The following CDH9 variants were observed in gnomAD, a reference collection of about 807,000 sequenced individuals.
The protein encoded by CDH9 is cadherin 9.
A neutral mutation model predicts 70.9 loss-of-function variants in CDH9; 28 were observed. That is an observed-to-expected ratio of 0.40 (90% CI 0.29 to 0.54). CDH9 has a LOEUF of 0.54. Among genes scored for constraint, CDH9 ranks in the 20% least tolerant of loss-of-function variants. CDH9 has a pLI of 0.59. For synonymous variants in CDH9, 409 were observed against 343.1 expected (o/e 1.19, Z -2.12); for missense variants, 874 against 984.4 (o/e 0.89, Z 1.50).
intron 2 of CDH9, among the ~76,000 whole-genome samples, chr5:26,943,778 C>T (rs1741701735): frequency 6.6e-6 from 1 of 152,170 alleles, no homozygotes; most frequent in South Asian, 2.1e-4. Context: ...AAAACATATG[C>T]CTCCAAGAGA....
chr5:26,970,798 T>C (rs935949636), intron 2 of CDH9, among the ~76,000 whole-genome samples: 7 of 152,086 alleles, frequency 4.6e-5, no homozygotes, highest in Non-Finnish European at 7.4e-5. Context: ...CCTTGACCTG[T>C]ATGCCTGTAT....
At chr5:26,956,347 T>G (rs921563124) in intron 2 of CDH9, among the ~76,000 whole-genome samples, 4 of 152,214 alleles carry the variant, frequency 2.6e-5, no homozygotes, top group Non-Finnish European at 5.9e-5. Context: ...ACCTCTTTTT[T>G]TTCTTTTTGT....
intron 2 of CDH9, among the ~76,000 whole-genome samples, chr5:26,933,838 A>T (rs551980732): frequency 6.6e-6 from 1 of 152,022 alleles, no homozygotes; most frequent in South Asian, 2.1e-4. Context: ...AAGAGAGAAG[A>T]CACATTACTA....
At chr5:26,904,632 A>G (rs917297843) in intron 5 of CDH9, among the ~76,000 whole-genome samples, 1 of 152,058 alleles carries the variant, frequency 6.6e-6, no homozygotes, top group Non-Finnish European at 1.5e-5. Context: ...TGCAAAAACT[A>G]ATTCTTTCTG....
At chr5:27,032,856 A>G (rs1428747446) in intron 1 of CDH9, among the ~76,000 whole-genome samples, 1 of 151,460 alleles carries the variant, frequency 6.6e-6, no homozygotes, top group Non-Finnish European at 1.5e-5. Flanking sequence ...ATTTCACCAT[A>G]TAATATATTT....
In CDH9 at chr5:26,897,546, A is replaced by G. The variant is rs2111981558; in HGVS notation, c.1253+4930T>C. 2.0e-5 allele frequency among the ~76,000 whole-genome samples: 3 copies of G among 152,314 alleles called. No homozygotes were observed. The South Asian group carries it at 6.2e-4, about 32-fold the overall frequency. On this transcript the variant is annotated intron_variant, in intron 7 of 11. Transcript: ENST00000231021. ...AAATCAATAAAGTAAGCCATCATAT[A>G]AACAGAGCCAATGACAAAAACCACA...
At chr5:26,918,510 A>T (rs1223932089) in intron 2 of CDH9, among the ~76,000 whole-genome samples, 1 of 152,218 alleles carries the variant, frequency 6.6e-6, no homozygotes, top group Non-Finnish European at 1.5e-5. Flanking sequence ...TCCTCTTTTT[A>T]AAACTAACTT....
chr5:26,972,372 C>T (rs1468570143), intron 2 of CDH9, among the ~76,000 whole-genome samples: 1 of 152,068 alleles, frequency 6.6e-6, no homozygotes, highest in African/African-American at 2.4e-5. Flanking sequence ...ATAATAAGCT[C>T]AATGCATCTG....
At chr5:26,885,589 G>C in intron 11 of CDH9, 25 bp downstream of exon 11, 4 of 1,603,698 alleles carry the variant, frequency 2.5e-6, no homozygotes, top group Non-Finnish European at 3.4e-6. Context: ...TGAGTTAAAG[G>C]ATCATTCAGA....
At chr5:27,033,757 C>A (rs1484755853) in intron 1 of CDH9, among the ~76,000 whole-genome samples, 2 of 151,278 alleles carry the variant, frequency 1.3e-5, no homozygotes, top group African/African-American at 4.8e-5. Flanking sequence ...ACTACAGTAA[C>A]CTGCTTTGGT....
intron 2 of CDH9, among the ~76,000 whole-genome samples, chr5:26,931,989 A>G (rs960483212): frequency 2.0e-5 from 3 of 152,212 alleles, no homozygotes; most frequent in Admixed American, 6.5e-5. Context: ...ATAATTACAA[A>G]TAAATGTAAG....
intron 2 of CDH9, among the ~76,000 whole-genome samples, chr5:26,964,021 A>G (rs1188325103): frequency 6.6e-6 from 1 of 152,142 alleles, no homozygotes; most frequent in Non-Finnish European, 1.5e-5. Context: ...CATAAAATAA[A>G]AAAGAAAATA....
intron 2 of CDH9, among the ~76,000 whole-genome samples, chr5:26,930,081 C>T (rs778083543): frequency 6.6e-6 from 1 of 151,910 alleles, no homozygotes; most frequent in East Asian, 1.9e-4. Flanking sequence ...GCATTGTATG[C>T]CTGTATCAAA....
intron 1 of CDH9, among the ~76,000 whole-genome samples, chr5:27,020,674 C>A: frequency 6.6e-6 from 1 of 150,530 alleles, no homozygotes; most frequent in African/African-American, 2.4e-5. Context: ...ATTTTCTATG[C>A]CATTATGAAA....
intron 2 of CDH9, among the ~76,000 whole-genome samples, chr5:26,986,642 G>A (rs1311719670): frequency 6.6e-6 from 1 of 152,040 alleles, no homozygotes; most frequent in Non-Finnish European, 1.5e-5. Flanking sequence ...GAATCTCCAA[G>A]GATAAAACTG....
intron 2 of CDH9, among the ~76,000 whole-genome samples, chr5:26,968,025 T>C (rs916482409): frequency 1.7e-4 from 26 of 152,140 alleles, no homozygotes; most frequent in Admixed American, 1.1e-3. Flanking sequence ...TTTTCAAATA[T>C]CATAATCTTT....
intron 2 of CDH9, among the ~76,000 whole-genome samples, chr5:26,976,696 C>T (rs1438557789): frequency 6.6e-6 from 1 of 152,050 alleles, no homozygotes; most frequent in African/African-American, 2.4e-5. Flanking sequence ...AATTTTTATG[C>T]ATATTTGATT....
chr5:26,915,649 A>T lies in CDH9; in HGVS notation c.504T>A (p.Val168=). Reference sequence around the variant, plus strand: ...ACCTACCGACTCCAGACATTTCAGGAACACTGGCAGTGTATAAGTCTTTTG... The same window carrying T: ...ACCTACCGACTCCAGACATTTCAGGTACACTGGCAGTGTATAAGTCTTTTG... ...KFTKDLYTAS[V]PEMSGVGTSV... is the part of the protein sequence containing the mutation. Residue 168 remains valine (V), a synonymous_variant, in exon 3 of 12, where the codon GTT becomes GTA. Coordinates refer to ENST00000231021, the MANE Select transcript of CDH9 (RefSeq NM_016279.4). The T allele has an allele frequency of 1.3e-6, 2 of 1,597,096 alleles. No individual in the cohort carries two copies. Among genetic ancestry groups the T allele is most frequent in the Non-Finnish European group, 1.7e-6 (2 of 1,164,656 alleles).
intron 7 of CDH9, among the ~76,000 whole-genome samples, chr5:26,897,799 C>T (rs1453157185): frequency 1.3e-5 from 2 of 152,170 alleles, no homozygotes; most frequent in South Asian, 2.1e-4. Flanking sequence ...ATTCATTCAA[C>T]ATAGTATTGG....
Sources: allele counts gnomAD v4.1 joint callset (sites outside exome capture counted in the v4.1 genomes callset), GRCh38; gene constraint gnomAD v4.1.1; transcripts MANE v1.5; gene names NCBI Gene and HGNC (gene_info 2026-07-23, HGNC 2026-07-21).